Variants in ANKRD44 observed in about 807,000 individuals in gnomAD.
ANKRD44 encodes serine/threonine-protein phosphatase 6 regulatory ankyrin repeat subunit B.
A neutral mutation model predicts 116.0 loss-of-function variants in ANKRD44; 35 were observed. The ratio of observed to expected loss-of-function variants is 0.30; its 90% CI spans 0.23 to 0.40. ANKRD44 has a LOEUF of 0.40. ANKRD44 is among the 10% of genes least tolerant of loss of function. ANKRD44 has a pLI of 1.00. For synonymous variants in ANKRD44, 435 were observed against 461.8 expected (o/e 0.94, Z 0.74); for missense variants, 1,014 against 1,242.6 (o/e 0.82, Z 2.77).
chr2:197,003,468 T>C (rs1445994831), intron 21 of ANKRD44, among the ~76,000 whole-genome samples: 1 of 152,168 alleles, frequency 6.6e-6, no homozygotes, highest in Non-Finnish European at 1.5e-5. Context: ...GGGGACTATA[T>C]GAATCCCAAT....
chr2:197,288,032 A>AAAG lies in ANKRD44; in HGVS notation c.27+22545_27+22546insCTT, dbSNP rs1343570004. Among the ~76,000 whole-genome samples the AAAG allele has an allele frequency of 2.4e-4, 36 of 151,316 alleles. 1 individual carries two copies. The highest frequency in any genetic ancestry group is 3.4e-3 in the Middle Eastern group (1 of 292). On this transcript the variant is annotated intron_variant, in intron 1 of 27. Transcript: ENST00000282272. Reference sequence around the variant, plus strand: ...GAGACTCAGTCTCAAAAAAAAAAAAAAAAAGAAAAAGAAAGAAAAGAAAAA... The same window carrying AAAG: ...GAGACTCAGTCTCAAAAAAAAAAAAAAAGAAAAGAAAAAGAAAGAAAAGAAAAA...
chr2:197,072,620 C>T (rs2077584439), intron 16 of ANKRD44, among the ~76,000 whole-genome samples: 1 of 152,206 alleles, frequency 6.6e-6, no homozygotes, highest in African/African-American at 2.4e-5. Flanking sequence ...GTGTATTTCA[C>T]TTGTTCAACA....
At chr2:197,127,878 C>A (rs2579393) in intron 4 of ANKRD44, among the ~76,000 whole-genome samples, 95,099 of 151,944 alleles carry the variant, frequency 0.63, 32,976 homozygotes, top group East Asian at 0.95. Flanking sequence ...TCCCTCTGTT[C>A]TCATCGTTCA....
At position 197,110,799 on chromosome 2, in the gene ANKRD44, T is replaced by C; in HGVS notation, c.952A>G (p.Arg318Gly). 1 of 1,614,054 alleles carries C rather than the reference T, an allele frequency of 6.2e-7. No homozygotes were observed. The highest frequency in any genetic ancestry group is 8.5e-7 in the Non-Finnish European group (1 of 1,179,982). ...ATGAGGGTCTGTGACCGTGTGAACC[T>C]TCCATGGACAGCTGTCATGTGCAGT... ...SPLHMTAVHGRFTRSQTLIQN... is the reference protein window; with the variant it reads ...SPLHMTAVHGGFTRSQTLIQN... The change falls in exon 9 of 28, where the codon AGG becomes GGG. Residue 318 changes from arginine (R) to glycine (G), a missense_variant. By Grantham distance (125) the Arg-to-Gly change is moderately radical. Transcript: ENST00000282272.
chr2:197,258,380 C>T (rs1431203618), intron 1 of ANKRD44, among the ~76,000 whole-genome samples: 1 of 150,690 alleles, frequency 6.6e-6, no homozygotes, highest in Non-Finnish European at 1.5e-5. Context: ...ACCTTGGCCT[C>T]CTGAAGTGCT....
intron 4 of ANKRD44, among the ~76,000 whole-genome samples, chr2:197,131,382 G>C (rs1370021845): frequency 1.3e-5 from 2 of 151,714 alleles, no homozygotes; most frequent in Non-Finnish European, 2.9e-5. Flanking sequence ...TAGTAGAGAC[G>C]GGGTTTCACC....
At chr2:197,270,327 G>C (rs1388502916) in intron 1 of ANKRD44, among the ~76,000 whole-genome samples, 1 of 152,114 alleles carries the variant, frequency 6.6e-6, no homozygotes, top group Non-Finnish European at 1.5e-5. Context: ...CAATTATGGA[G>C]GAGGTCAAAC....
intron 1 of ANKRD44, among the ~76,000 whole-genome samples, chr2:197,289,242 T>A (rs1330307745): frequency 1.3e-5 from 2 of 152,170 alleles, no homozygotes; most frequent in Admixed American, 1.3e-4. Context: ...TAAATATTAG[T>A]ATAGCTAAAA....
chr2:196,975,809 AAAAG>A (rs139764360), intron 21 of ANKRD44, among the ~76,000 whole-genome samples: 97,354 of 136,208 alleles, frequency 0.71, 35,482 homozygotes, highest in East Asian at 0.82. Flanking sequence ...AGAAAAAGAA[AAAAG>A]AAAGAAAGAA....
chr2:197,150,995 T>C (rs2079632524), intron 2 of ANKRD44, among the ~76,000 whole-genome samples: 1 of 152,150 alleles, frequency 6.6e-6, no homozygotes, highest in Non-Finnish European at 1.5e-5. Context: ...ATAAAAATGT[T>C]TCCACTGAGC....
chr2:197,125,433 G>C lies in ANKRD44; in HGVS notation c.498C>G (p.Ile166Met). 6.2e-7 allele frequency: 1 copy of C among 1,614,074 alleles called. No individual in the cohort carries two copies. The highest frequency in any genetic ancestry group is 8.5e-7 in the Non-Finnish European group (1 of 1,180,028). ...GCCGGTCCTTCTTGTCAAATGCATT[G>C]ATATTTGCCCCTTTGGCCAAGAGTA... ...VNLLLAKGAN[I>M]NAFDKKDRRA... is the part of the protein sequence containing the mutation. Residue 166 changes from isoleucine (I) to methionine (M), a missense_variant, in exon 6 of 28, where the codon ATC becomes ATG. By Grantham distance (10) the Ile-to-Met change is conservative. Coordinates refer to ENST00000282272, the MANE Select transcript of ANKRD44 (RefSeq NM_001195144.2).
chr2:196,998,940 T>A lies in ANKRD44; in HGVS notation c.2632A>T (p.Met878Leu). The change falls in exon 24 of 28, where the codon ATG becomes TTG. Residue 878 changes from methionine to leucine, a missense_variant. Transcript: ENST00000282272. ...CCTGCCTGCCCATTCTCAGCAGCCA[T>A]CATCAGTGCTGTTTTCCCTGAATTA... is the stretch of plus-strand genomic sequence containing the variant. ...VDNSGKTALM[M>L]AAENGQAGAV... 1 of 1,614,212 alleles carries A rather than the reference T, an allele frequency of 6.2e-7. No homozygotes were observed. Among genetic ancestry groups the A allele is most frequent in the Non-Finnish European group, 8.5e-7 (1 of 1,180,034 alleles).
chr2:197,219,619 A>C (rs1448332026), intron 1 of ANKRD44, among the ~76,000 whole-genome samples: 4 of 152,214 alleles, frequency 2.6e-5, no homozygotes, highest in Non-Finnish European at 5.9e-5. Flanking sequence ...AAATAAAGCA[A>C]AATTTTCTGG....
chr2:197,006,210 AG>A (rs2076199567), intron 20 of ANKRD44, among the ~76,000 whole-genome samples: 1 of 152,154 alleles, frequency 6.6e-6, no homozygotes, highest in African/African-American at 2.4e-5. Context: ...TGGGAGGCCG[AG>A]GCAGGAGGAT....
chr2:197,046,212 T>C (rs1220552524), intron 16 of ANKRD44, among the ~76,000 whole-genome samples: 3 of 152,202 alleles, frequency 2.0e-5, no homozygotes, highest in Non-Finnish European at 4.4e-5. Context: ...GGTATTATTA[T>C]TATTATTGGT....
chr2:197,229,758 C>G (rs1401079238), intron 1 of ANKRD44, among the ~76,000 whole-genome samples: 1 of 152,160 alleles, frequency 6.6e-6, no homozygotes, highest in Non-Finnish European at 1.5e-5. Flanking sequence ...CCCAAAGTCA[C>G]ACAGTAGATA....
chr2:197,169,974 G>A (rs1037333861), intron 2 of ANKRD44, among the ~76,000 whole-genome samples: 2 of 152,088 alleles, frequency 1.3e-5, no homozygotes, highest in African/African-American at 2.4e-5. Context: ...TGGATCTCTT[G>A]AGTCCAGGAG....
At chr2:197,095,543 T>C (rs2078141391) in intron 10 of ANKRD44, among the ~76,000 whole-genome samples, 1 of 152,200 alleles carries the variant, frequency 6.6e-6, no homozygotes, top group Non-Finnish European at 1.5e-5. Context: ...ACCAGGACCA[T>C]AATCCTACAC....
intron 1 of ANKRD44, among the ~76,000 whole-genome samples, chr2:197,278,363 GTTTGT>G (rs1009122947): frequency 6.6e-6 from 1 of 151,830 alleles, no homozygotes; most frequent in Non-Finnish European, 1.5e-5. Flanking sequence ...CTTACTTTTT[GTTTGT>G]TTTGTTTTGA....
Sources: gnomAD v4.1 joint callset for allele counts (sites outside exome capture counted in the v4.1 genomes callset) on GRCh38, gnomAD v4.1.1 for gene constraint, MANE v1.5 for transcripts, NCBI Gene and HGNC (gene_info 2026-07-23, HGNC 2026-07-21) for gene names.